The following AMZ1 variants were observed in gnomAD, a reference collection of about 807,000 sequenced individuals.
AMZ1 encodes the protein archaemetzincin-1.
A neutral mutation model predicts 29.9 loss-of-function variants in AMZ1; 39 were observed. The observed-to-expected ratio is 1.30, with a 90% confidence interval of 1.01 to 1.70. The LOEUF is 1.70. Ranked by LOEUF, AMZ1 falls within the 40% of genes most tolerant of loss-of-function variation. The pLI is 0.00. For synonymous variants in AMZ1, 458 were observed against 304.0 expected, an observed-to-expected ratio of 1.51 and a Z score of -5.27; for missense variants, 1,041 against 680.6, an observed-to-expected ratio of 1.53 and a Z score of -5.89.
chr7:2,691,932 C>T (rs1453791593), intron 1 of AMZ1, among the ~76,000 whole-genome samples: 1 of 152,040 alleles, frequency 6.6e-6, no homozygotes, highest in African/African-American at 2.4e-5. Context: ...TTGATAGGCC[C>T]CTGTGGACAG....
At chr7:2,739,705 C>T (rs1414025124) in intron 4 of AMZ1, among the ~76,000 whole-genome samples, 2 of 152,068 alleles carry the variant, frequency 1.3e-5, no homozygotes, top group East Asian at 1.9e-4. Context: ...AATGGAGTCT[C>T]GCCCCGTTGC....
intron 2 of AMZ1, 187 bp from the exon 3 acceptor site, chr7:2,702,534 CG>C: frequency 1.6e-6 from 1 of 622,834 alleles, no homozygotes; most frequent in Non-Finnish European, 2.7e-6. Flanking sequence ...CTGTGTCCCT[CG>C]GTGTTTGCCC....
At chr7:2,704,600 TTTTTTTTTTTTTTTA>T (rs1418117969) in intron 3 of AMZ1, among the ~76,000 whole-genome samples, 3 of 125,084 alleles carry the variant, frequency 2.4e-5, no homozygotes, top group African/African-American at 6.1e-5. Flanking sequence ...TTTTTTTTTT[TTTTTTTTTTTTTTTA>T]AGACGGAGTC....
Position 2,731,526 on chromosome 7 carries a change from G to T in AMZ1, n.550+21710G>T. 1 of 1,612,408 alleles carries T rather than the reference G, an allele frequency of 6.2e-7. No individual in the cohort carries two copies. On this transcript the variant is annotated intron_variant and non_coding_transcript_variant, in intron 4 of 4. Coordinates refer to the AMZ1 transcript ENST00000489665. The surrounding 1 kb of genome is among the most constrained non-coding windows in gnomAD (Gnocchi z 6.0). ...TGTTCATGGACTCCACCAGCCGGTT[G>T]GTGCGCCTGTCCTCCATGAGGACCT...
chr7:2,764,532 C>A (rs888922367), upstream of AMZ1: 5 of 152,216 alleles, frequency 3.3e-5, no homozygotes, highest in Admixed American at 6.5e-5. Flanking sequence ...TCGGGCTCAG[C>A]GTTTACTTCA....
chr7:2,711,974 G>A (rs1788808580), intron 6 of AMZ1, among the ~76,000 whole-genome samples: 1 of 152,184 alleles, frequency 6.6e-6, no homozygotes, highest in Non-Finnish European at 1.5e-5. Flanking sequence ...TTGAACCTGG[G>A]AGGGGGAGGT....
intron 4 of AMZ1, among the ~76,000 whole-genome samples, chr7:2,758,785 G>GA (rs1791419760): frequency 6.6e-6 from 1 of 152,200 alleles, no homozygotes; most frequent in Non-Finnish European, 1.5e-5. Flanking sequence ...ATCAAGTGCA[G>GA]TTTACTCATC....
chr7:2,760,730 T>G (rs1358606938), upstream of AMZ1, among the ~76,000 whole-genome samples: 1 of 152,214 alleles, frequency 6.6e-6, no homozygotes, highest in African/African-American at 2.4e-5. Context: ...AGAGCTAAGT[T>G]TAGCTACGAC....
rs1473659919 is a variant in AMZ1 at position 2,712,705 on chromosome 7, A to G, written c.1324A>G (p.Met442Val). 1 of 1,611,352 alleles carries G rather than the reference A, an allele frequency of 6.2e-7. No individual in the cohort carries two copies. The highest frequency in any genetic ancestry group is 8.5e-7 in the Non-Finnish European group (1 of 1,179,154). The change falls in exon 7 of 7, where the codon ATG (methionine) becomes GTG (valine). Residue 442 changes from methionine (M) to valine (V), a missense_variant. Coordinates refer to ENST00000683327, the MANE Select transcript of AMZ1 (RefSeq NM_001384743.1). ...CGTGGACGCCCTCGACCGCTGGGAG[A>G]TGTTCACGGGCCAGCTCCCGGCCAC... ...RAVDALDRWEMFTGQLPATRQ... is the reference protein window; with the variant it reads ...RAVDALDRWEVFTGQLPATRQ...
At chr7:2,701,666 G>C (rs1227810861) in intron 2 of AMZ1, among the ~76,000 whole-genome samples, 1 of 152,226 alleles carries the variant, frequency 6.6e-6, no homozygotes, top group Non-Finnish European at 1.5e-5. Flanking sequence ...CTTGGGCTCG[G>C]AGAGGAGGAA....
rs1421007058 is a variant in AMZ1, at chr7:2,700,743, C to G, written c.292C>G (p.Leu98Val). ...KPRLARKHIYLQPIDLSEEPV... is the reference protein window; with the variant it reads ...KPRLARKHIYVQPIDLSEEPV... ...CCGCCTGGCTCGGAAGCACATCTAC[C>G]TACAGCCGATAGGTACGGGACGCCT... is the stretch of plus-strand genomic sequence containing the variant. The change falls in exon 2 of 7, where the codon CTA becomes GTA. Residue 98 changes from leucine to valine, a missense_variant. Leu to Val is a conservative substitution (Grantham distance 32, BLOSUM62 1). Transcript: ENST00000683327. 3 of 1,612,694 alleles carry G rather than the reference C, an allele frequency of 1.9e-6. No individual in the cohort carries two copies. The highest frequency in any genetic ancestry group is 8.5e-7 in the Non-Finnish European group (1 of 1,179,970).
intron 6 of AMZ1, 145 bp from the exon 7 acceptor site, chr7:2,712,185 A>G: frequency 1.2e-6 from 1 of 832,850 alleles, no homozygotes; most frequent in Non-Finnish European, 1.8e-6. Flanking sequence ...TGCTGGTCAC[A>G]AGAGCCCTCA....
chr7:2,700,172 G>C, intron 1 of AMZ1, 62 bp from the exon 2 acceptor site: 1 of 491,472 alleles, frequency 2.0e-6, no homozygotes, highest in South Asian at 2.9e-5. Flanking sequence ...CCCATCCCTT[G>C]CCTGGGACAT....
chr7:2,702,539 T>C, intron 2 of AMZ1, 183 bp from the exon 3 acceptor site: 1 of 643,450 alleles, frequency 1.6e-6, no homozygotes, highest in Non-Finnish European at 2.6e-6. Flanking sequence ...TCCCTCGGTG[T>C]TTGCCCTTTT....
intron 4 of AMZ1, among the ~76,000 whole-genome samples, chr7:2,724,935 C>T (rs558102634): frequency 7.9e-5 from 12 of 152,312 alleles, no homozygotes; most frequent in African/African-American, 2.6e-4. Flanking sequence ...ACAGAGAAGC[C>T]GGTACCCCAG....
chr7:2,686,773 G>A (rs755557099), upstream of AMZ1, among the ~76,000 whole-genome samples: 4 of 151,750 alleles, frequency 2.6e-5, no homozygotes, highest in South Asian at 2.1e-4. Context: ...GGAGTGCAGT[G>A]GCATAATCTC....
At chr7:2,763,191 AACACACACACACACACACACAC>A (rs56384682), upstream of AMZ1, 8 of 222,642 alleles carry the variant, frequency 3.6e-5, 1 homozygote, top group South Asian at 3.6e-4. Context: ...AAGACACCCC[AACACACACACACACACACACAC>A]ACACACACAC....
chr7:2,727,161 A>G (rs1314472258), intron 4 of AMZ1, among the ~76,000 whole-genome samples: 1 of 152,094 alleles, frequency 6.6e-6, no homozygotes, highest in Non-Finnish European at 1.5e-5. Context: ...GGCTCACTGC[A>G]ACCTCTGCCT....
At chr7:2,689,583 A>G (rs1787265858) in intron 1 of AMZ1, among the ~76,000 whole-genome samples, 1 of 152,122 alleles carries the variant, frequency 6.6e-6, no homozygotes, top group Non-Finnish European at 1.5e-5. Flanking sequence ...GTGGCTTTGA[A>G]ACCAGGCCCC....
Sources: allele counts gnomAD v4.1 joint callset (sites outside exome capture counted in the v4.1 genomes callset), GRCh38; gene constraint gnomAD v4.1.1; non-coding constraint Gnocchi (gnomAD v3.1); transcripts MANE v1.5; gene names NCBI Gene and HGNC (gene_info 2026-07-23, HGNC 2026-07-21).